PPP6R3: variants seen among roughly 807,000 people sequenced by gnomAD.
PPP6R3 encodes serine/threonine-protein phosphatase 6 regulatory subunit 3.
PPP6R3 carries 38 observed loss-of-function variants against 110.7 expected under a neutral mutation model. That is an observed-to-expected ratio of 0.34 (90% confidence interval 0.26 to 0.45). The LOEUF (loss-of-function observed/expected upper bound fraction) is 0.45. Among genes scored for constraint, PPP6R3 ranks in the 20% least tolerant of loss-of-function variants. PPP6R3 has a pLI of 1.00. For missense variants in PPP6R3, 870 were observed against 1,062.4 expected, an observed-to-expected ratio of 0.82 and a Z score of 2.52; for synonymous variants, 369 against 373.5, an observed-to-expected ratio of 0.99 and a Z score of 0.14.
intron 1 of PPP6R3, among the ~76,000 whole-genome samples, chr11:68,510,054 CTTTTTTTTTTTT>C (rs372113258): frequency 1.3e-5 from 1 of 76,962 alleles, no homozygotes; most frequent in Non-Finnish European, 2.2e-5. Flanking sequence ...TGTGCTCGGC[CTTTTTTTTTTTT>C]TTTTTTTTTG....
intron 10 of PPP6R3, among the ~76,000 whole-genome samples, chr11:68,568,684 T>C (rs1367866477): frequency 1.3e-5 from 2 of 152,350 alleles, no homozygotes; most frequent in Non-Finnish European, 2.9e-5. Flanking sequence ...TATTTTTGTG[T>C]ATCTCTGTCT....
intron 15 of PPP6R3, 29 bp downstream of exon 15, chr11:68,583,158 G>A (rs943468198): frequency 2.1e-5 from 31 of 1,462,706 alleles, no homozygotes; most frequent in Admixed American, 4.8e-5. Context: ...TTTGCTTTTT[G>A]TTTTTATTTT....
intron 1 of PPP6R3, among the ~76,000 whole-genome samples, chr11:68,463,843 G>T (rs2098726181): frequency 6.6e-6 from 1 of 152,140 alleles, no homozygotes; most frequent in African/African-American, 2.4e-5. Flanking sequence ...GAAACATTTG[G>T]CAGTGTCTGG....
Position 68,469,884 on chromosome 11 carries a change from T to G in PPP6R3, c.-158+9057T>G, listed in dbSNP as rs139666669. Reference sequence around the variant, plus strand: ...TGACCTCCCCAAGGCAAATACCTTGTATGTATCATTTTTCTGCTTTACTTT... The same window carrying G: ...TGACCTCCCCAAGGCAAATACCTTGGATGTATCATTTTTCTGCTTTACTTT... On this transcript the variant is annotated intron_variant, in intron 1 of 23. Transcript: ENST00000393800. Among the ~76,000 whole-genome samples, 519 of 152,354 alleles carry G rather than the reference T, an allele frequency of 3.4e-3. 6 individuals carry two copies. The highest frequency in any genetic ancestry group is 0.012 in the African/African-American group (496 of 41,588).
chr11:68,491,374 G>GTGTGTT (rs1289814777), intron 1 of PPP6R3, among the ~76,000 whole-genome samples: 84 of 143,882 alleles, frequency 5.8e-4, no homozygotes, highest in African/African-American at 2.2e-3. Context: ...GTGTGTGTGT[G>GTGTGTT]TGTGTTTGAG....
intron 9 of PPP6R3, 141 bp downstream of exon 9, chr11:68,564,573 A>T: frequency 1.1e-6 from 1 of 893,508 alleles, no homozygotes; most frequent in Non-Finnish European, 1.6e-6. Flanking sequence ...ACTGCCAGTG[A>T]TTTTTACTGC....
chr11:68,477,741 AATATATAT>A (rs1179617745), intron 1 of PPP6R3, among the ~76,000 whole-genome samples: 9 of 57,904 alleles, frequency 1.6e-4, no homozygotes, highest in African/African-American at 5.7e-4. Context: ...AAAAAAAAAA[AATATATAT>A]ATATATATAT....
In PPP6R3 at chr11:68,609,963, C is replaced by G. The variant is rs1438833742; in HGVS notation, c.2510C>G (p.Pro837Arg). The part of the protein sequence containing the change: ...DAACKDAEEC[P>R]ETAEAKCAAP... The stretch of plus-strand genomic sequence containing the variant: ...GCTTGTAAAGACGCAGAGGAGTGTC[C>G]CGAGACTGCAGAGGCGAAGTGCGCG... The change falls in exon 23 of 24, where the codon CCC becomes CGC. Residue 837 changes from proline to arginine, a missense_variant. Physicochemically the swap from Pro to Arg is moderately radical, Grantham distance 103 (BLOSUM62 -2). Coordinates refer to ENST00000393800, the MANE Select transcript of PPP6R3 (RefSeq NM_001164161.2). 3 of 1,614,118 alleles carry G rather than the reference C, an allele frequency of 1.9e-6. No individual in the cohort carries two copies. Among genetic ancestry groups the G allele is most frequent in the Admixed American group, 1.7e-5 (1 of 60,008 alleles).
intron 14 of PPP6R3, among the ~76,000 whole-genome samples, chr11:68,580,413 G>T (rs2099548902): frequency 6.6e-6 from 1 of 152,194 alleles, no homozygotes; most frequent in African/African-American, 2.4e-5. Context: ...GCTAGGAGGA[G>T]GGAGACTGGG....
At chr11:68,524,292 CT>C (rs1403348519) in intron 2 of PPP6R3, among the ~76,000 whole-genome samples, 1 of 152,164 alleles carries the variant, frequency 6.6e-6, no homozygotes, top group Non-Finnish European at 1.5e-5. Flanking sequence ...CTCTTCTAAG[CT>C]TTTAAATATA....
At chr11:68,597,143 G>A (rs1351667839) in intron 19 of PPP6R3, among the ~76,000 whole-genome samples, 2 of 152,186 alleles carry the variant, frequency 1.3e-5, no homozygotes, top group African/African-American at 4.8e-5. Context: ...ACTGTGAACG[G>A]GCCACAGACT....
chr11:68,587,174 A>ACCCC (rs1491452110), intron 15 of PPP6R3: 2 of 125,130 alleles, frequency 1.6e-5, no homozygotes, highest in African/African-American at 7.3e-5. Context: ...GTCCATTATA[A>ACCCC]CACCCCCCCC....
Position 68,613,233 on chromosome 11 carries a change from C to T in PPP6R3, c.*116C>T. The T allele has an allele frequency of 6.8e-7, 1 of 1,479,188 alleles. No homozygotes were observed. The highest frequency in any genetic ancestry group is 9.0e-7 in the Non-Finnish European group (1 of 1,116,764). 91.6% of individuals were successfully genotyped at this position (1,479,188 alleles called of 1,614,324 possible). ...CTGCTGCACTCACTCTGCAAGGGAT[C>T]AGGACCAGCAACCTTTATATTCTAG... On this transcript the variant is annotated 3_prime_UTR_variant, in exon 24 of 24. Coordinates refer to ENST00000393800, the MANE Select transcript of PPP6R3 (RefSeq NM_001164161.2).
At chr11:68,530,020 A>C (rs2099227965) in intron 2 of PPP6R3, among the ~76,000 whole-genome samples, 1 of 152,260 alleles carries the variant, frequency 6.6e-6, no homozygotes, top group Non-Finnish European at 1.5e-5. Flanking sequence ...CTGTGAGCAT[A>C]AAATACACAT....
intron 1 of PPP6R3, among the ~76,000 whole-genome samples, chr11:68,487,548 C>CA (rs2153419635): frequency 6.7e-6 from 1 of 149,108 alleles, no homozygotes; most frequent in Admixed American, 6.7e-5. Flanking sequence ...CCAGCCTGGG[C>CA]AACACAGCAA....
chr11:68,462,256 A>G (rs2098713309), intron 1 of PPP6R3, among the ~76,000 whole-genome samples: 1 of 151,832 alleles, frequency 6.6e-6, no homozygotes, highest in Non-Finnish European at 1.5e-5. Flanking sequence ...TTGAGTCCCG[A>G]CTCTTGGTGA....
intron 2 of PPP6R3, among the ~76,000 whole-genome samples, chr11:68,529,899 G>C (rs1038979447): frequency 1.3e-5 from 2 of 152,140 alleles, no homozygotes. Context: ...ATTTCAGTGC[G>C]GAGAGAGACT....
chr11:68,485,419 A>G (rs572837318), intron 1 of PPP6R3, among the ~76,000 whole-genome samples: 1 of 152,154 alleles, frequency 6.6e-6, no homozygotes, highest in South Asian at 2.1e-4. Flanking sequence ...GTATGATATG[A>G]TGGAAAAGGA....
intron 12 of PPP6R3, among the ~76,000 whole-genome samples, 154 bp from the exon 13 acceptor site, chr11:68,573,955 A>C (rs1484243811): frequency 2.6e-5 from 4 of 152,054 alleles, no homozygotes; most frequent in Non-Finnish European, 5.9e-5. Flanking sequence ...GGCACCTTCC[A>C]TTCCTTTGTT....
Sources: gnomAD v4.1 joint callset for allele counts (sites outside exome capture counted in the v4.1 genomes callset) on GRCh38, gnomAD v4.1.1 for gene constraint, MANE v1.5 for transcripts, NCBI Gene and HGNC (gene_info 2026-07-23, HGNC 2026-07-21) for gene names.